The following SCN8A variants were observed in gnomAD, a reference collection of about 807,000 sequenced individuals.
SCN8A encodes the protein sodium voltage-gated channel alpha subunit 8, also known as sodium channel protein type 8 subunit alpha.
SCN8A carries 30 observed loss-of-function variants against 184.1 expected under a neutral mutation model. The ratio of observed to expected loss-of-function variants is 0.16; its 90% CI spans 0.12 to 0.22. The LOEUF is 0.22. SCN8A is among the 10% of genes least tolerant of loss of function. The pLI, the probability that SCN8A is intolerant of heterozygous loss-of-function variation, is 1.00. For missense variants in SCN8A, 1,057 were observed against 2,498.9 expected (o/e 0.42, Z 12.30); for synonymous variants, 852 against 907.0 (o/e 0.94, Z 1.09).
chr12:51,668,372 A>C (rs773922363), intron 2 of SCN8A, among the ~76,000 whole-genome samples: 1 of 152,128 alleles, frequency 6.6e-6, no homozygotes. Flanking sequence ...TACTTTGTCA[A>C]AAGCCCACAC....
rs576239899 is a variant in SCN8A, at chr12:51,699,426, T to C, written c.707-144T>C. ...TATTGATAATTTTGCTGACCTATTA[T>C]TATTCTCATGGCATAAATATAAAGT... On this transcript the variant is annotated intron_variant, in intron 6 of 26. Transcript: ENST00000627620. The C allele has an allele frequency of 4.2e-4, 231 of 548,038 alleles. 2 individuals carry two copies. In the South Asian group the frequency reaches 5.4e-3, roughly 13 times the overall value. 33.9% of individuals were successfully genotyped at this position (548,038 alleles called of 1,614,324 possible). A position where few individuals can be genotyped will look rare whatever the true frequency, so the allele number is the denominator to read the frequency against.
At chr12:51,747,069 G>A (rs983234527) in intron 13 of SCN8A, among the ~76,000 whole-genome samples, 122 of 149,212 alleles carry the variant, frequency 8.2e-4, no homozygotes, top group Non-Finnish European at 1.2e-3. Context: ...TAAACCCAGT[G>A]CCACTTCTAC....
At chr12:51,715,018 C>T (rs1941942246) in intron 11 of SCN8A, among the ~76,000 whole-genome samples, 1 of 152,164 alleles carries the variant, frequency 6.6e-6, no homozygotes, top group Non-Finnish European at 1.5e-5. Flanking sequence ...AACCTCTAGT[C>T]TAGGAAAATT....
At chr12:51,721,994 C>T in intron 12 of SCN8A, 86 bp downstream of exon 12, 1 of 1,583,752 alleles carries the variant, frequency 6.3e-7, no homozygotes, top group South Asian at 1.1e-5. Context: ...TCCCCCGCTC[C>T]TTCCCCTCCT....
chr12:51,647,328 G>T (rs1347864143), intron 1 of SCN8A, among the ~76,000 whole-genome samples: 1 of 152,186 alleles, frequency 6.6e-6, no homozygotes, highest in Non-Finnish European at 1.5e-5. Flanking sequence ...AGGGTTTCTG[G>T]GGGGAAGACA....
At chr12:51,603,385 CTG>C (rs1398981388) in intron 1 of SCN8A, among the ~76,000 whole-genome samples, 1 of 152,054 alleles carries the variant, frequency 6.6e-6, no homozygotes, top group Admixed American at 6.6e-5. Context: ...TTGTATGTAA[CTG>C]TTCCAATGCA....
chr12:51,783,562 T>C (rs1426024219), intron 21 of SCN8A, among the ~76,000 whole-genome samples: 1 of 152,190 alleles, frequency 6.6e-6, no homozygotes, highest in Non-Finnish European at 1.5e-5. Context: ...GAAGCACTTG[T>C]GCTATAGGCA....
At position 51,809,922 on chromosome 12, in the gene SCN8A, A is replaced by C. The variant is rs1318399122; in HGVS notation, c.*2493A>C. 2 of 152,352 alleles carry C rather than the reference A, an allele frequency of 1.3e-5. No individual in the cohort carries two copies. The highest frequency in any genetic ancestry group is 3.9e-4 in the East Asian group (2 of 5,194). The allele number at this position is 152,352 out of a possible 1,614,324, so 9.4% of individuals were successfully genotyped here. On this transcript the variant is annotated 3_prime_UTR_variant, in exon 27 of 27. Coordinates refer to ENST00000627620, the MANE Select transcript of SCN8A (RefSeq NM_001330260.2). ...TGCTAATGGTCTTTTCCAAAACAAC[A>C]AAAAATATATATTTTTGTTCCAATG...
intron 2 of SCN8A, among the ~76,000 whole-genome samples, chr12:51,673,216 A>G (rs1162643900): frequency 2.0e-5 from 3 of 152,206 alleles, no homozygotes; most frequent in Admixed American, 6.5e-5. Context: ...ACAATATAGT[A>G]TAACTATTTA....
At chr12:51,794,758 T>C in intron 26 of SCN8A, 117 bp downstream of exon 26, 2 of 996,326 alleles carry the variant, frequency 2.0e-6, no homozygotes, top group Non-Finnish European at 2.9e-6. Flanking sequence ...GATACCCTCA[T>C]AGCTTAAGTC....
intron 1 of SCN8A, among the ~76,000 whole-genome samples, chr12:51,634,856 G>T (rs1349679324): frequency 6.6e-6 from 1 of 151,242 alleles, no homozygotes; most frequent in Non-Finnish European, 1.5e-5. Context: ...CACCATGTTG[G>T]CCAGGCTGAT....
At chr12:51,794,988 T>C (rs573646028) in intron 26 of SCN8A, among the ~76,000 whole-genome samples, 1 of 152,194 alleles carries the variant, frequency 6.6e-6, no homozygotes, top group Admixed American at 6.5e-5. Flanking sequence ...AAGTATAAAA[T>C]GAAAGAAGGA....
chr12:51,694,788 A>G (rs1941567063), intron 6 of SCN8A, among the ~76,000 whole-genome samples: 1 of 152,214 alleles, frequency 6.6e-6, no homozygotes, highest in Admixed American at 6.5e-5. Context: ...TCAGGTCAGG[A>G]ATTCTACTAA....
intron 1 of SCN8A, among the ~76,000 whole-genome samples, chr12:51,599,586 A>G (rs1253120037): frequency 6.6e-6 from 1 of 152,208 alleles, no homozygotes; most frequent in Non-Finnish European, 1.5e-5. Flanking sequence ...CATAACATGG[A>G]GAATGTAGAA....
At chr12:51,749,588 A>G (rs1003550571) in intron 13 of SCN8A, among the ~76,000 whole-genome samples, 1 of 152,168 alleles carries the variant, frequency 6.6e-6, no homozygotes, top group Non-Finnish European at 1.5e-5. Context: ...GGAAGAAGCC[A>G]CAGCAGATTT....
chr12:51,685,394 A>G (rs1439455489), intron 3 of SCN8A, among the ~76,000 whole-genome samples: 1 of 152,218 alleles, frequency 6.6e-6, no homozygotes, highest in Non-Finnish European at 1.5e-5. Context: ...CAAGTGGGAT[A>G]TGGCTCCCAG....
At chr12:51,772,391 A>G (rs547188116) in intron 19 of SCN8A, among the ~76,000 whole-genome samples, 856 of 37,924 alleles carry the variant, frequency 0.023, 10 homozygotes, top group East Asian at 0.11. Flanking sequence ...GCGAAACTCC[A>G]TCTCAAAAAA....
At chr12:51,800,811 G>A (rs1312589391) in intron 26 of SCN8A, among the ~76,000 whole-genome samples, 1 of 152,230 alleles carries the variant, frequency 6.6e-6, no homozygotes, top group African/African-American at 2.4e-5. Context: ...CCCGAAAGGG[G>A]ACCAGTTACC....
intron 15 of SCN8A, among the ~76,000 whole-genome samples, chr12:51,763,185 G>A (rs1410840559): frequency 6.6e-6 from 1 of 152,154 alleles, no homozygotes; most frequent in Non-Finnish European, 1.5e-5. Context: ...AACTTATGAT[G>A]GCTCAACTTA....
Sources: gnomAD v4.1 joint callset for allele counts (sites outside exome capture counted in the v4.1 genomes callset) on GRCh38, gnomAD v4.1.1 for gene constraint, MANE v1.5 for transcripts, NCBI Gene and HGNC (gene_info 2026-07-23, HGNC 2026-07-21) for gene names.